Variants in HECTD4 observed in about 807,000 individuals in gnomAD.
The protein encoded by HECTD4 is HECT domain E3 ubiquitin protein ligase 4.
HECTD4 carries 114 observed loss-of-function variants against 471.5 expected under a neutral mutation model. The observed-to-expected ratio is 0.24, with a 90% CI of 0.21 to 0.28. The LOEUF (loss-of-function observed/expected upper bound fraction) is 0.28, where lower values mean the gene tolerates loss of function less well. Ranked by LOEUF, HECTD4 falls within the 10% of genes least tolerant of loss-of-function variation. HECTD4 has a pLI of 1.00. For synonymous variants in HECTD4, 2,012 were observed against 2,256.0 expected, an observed-to-expected ratio of 0.89 and a Z score of 3.07; for missense variants, 3,866 against 5,651.5, an observed-to-expected ratio of 0.68 and a Z score of 10.13.
At chr12:112,256,051 C>G (rs1204267266) in intron 21 of HECTD4, among the ~76,000 whole-genome samples, 1 of 152,124 alleles carries the variant, frequency 6.6e-6, no homozygotes, top group Non-Finnish European at 1.5e-5. Context: ...CATTTCCTTC[C>G]TCTCATATAT....
rs557287651 is a variant in HECTD4, at chr12:112,335,088, A to G, written c.178-15346T>C. ...CAGCAGCACAATTTGCAATTGCAAA[A>G]ATGTGCCACCCACCCAAATGCCCAT... is the stretch of plus-strand genomic sequence containing the variant. On this transcript the variant is annotated intron_variant, in intron 1 of 75. Coordinates refer to ENST00000682272, the MANE Select transcript of HECTD4 (RefSeq NM_001388303.1). Among the ~76,000 whole-genome samples, 195 of 152,180 alleles carry G rather than the reference A, an allele frequency of 1.3e-3. 3 individuals carry two copies. Among genetic ancestry groups the G allele is most frequent in the African/African-American group, 4.4e-3 (181 of 41,486 alleles).
At chr12:112,287,806 A>C (rs2034788222) in intron 7 of HECTD4, among the ~76,000 whole-genome samples, 1 of 152,158 alleles carries the variant, frequency 6.6e-6, no homozygotes, top group Non-Finnish European at 1.5e-5. Context: ...GAATGTGTCC[A>C]GAGTAGAAGT....
rs747216324 is a variant in HECTD4 at position 112,179,203 on chromosome 12, T to C, written c.11182A>G (p.Lys3728Glu). Reference sequence around the variant, plus strand: ...GTGAGCTGATCCTCCAGCACCTTTTTTGGCGGCCGGACATTGGTGAAGAAG... The same window carrying C: ...GTGAGCTGATCCTCCAGCACCTTTTCTGGCGGCCGGACATTGGTGAAGAAG... ...HLFFTNVRPP[K>E]KVLEDQLTQI... The change falls in exon 63 of 76, where the codon AAA becomes GAA. Residue 3728 changes from lysine to glutamate, a missense_variant. Lys to Glu is a moderately conservative substitution (Grantham distance 56, BLOSUM62 1). Transcript: ENST00000682272. This position sits in a 1 kb window ranked among gnomAD's most constrained non-coding sequence, Gnocchi z 4.3. The C allele has an allele frequency of 9.3e-6, 15 of 1,613,830 alleles. No homozygotes were observed. The highest frequency in any genetic ancestry group is 1.2e-5 in the Non-Finnish European group (14 of 1,179,832).
intron 1 of HECTD4, among the ~76,000 whole-genome samples, chr12:112,345,625 T>A (rs961699393): frequency 1.3e-4 from 20 of 152,300 alleles, no homozygotes; most frequent in African/African-American, 4.6e-4. Flanking sequence ...ATGGCTTTTG[T>A]AAGATGCTAT....
chr12:112,303,980 C>T (rs1057322713), intron 7 of HECTD4, among the ~76,000 whole-genome samples: 14 of 151,620 alleles, frequency 9.2e-5, no homozygotes, highest in Non-Finnish European at 1.8e-4. Context: ...ATCTGGCGTT[C>T]ATAAATCAAG....
chr12:112,209,959 T>C (rs1421289230), intron 50 of HECTD4, 56 bp downstream of exon 50: 1 of 1,404,482 alleles, frequency 7.1e-7, no homozygotes, highest in Non-Finnish European at 9.9e-7. Flanking sequence ...ATGGAATTCA[T>C]AACATTCATG....
At chr12:112,168,030 C>T (rs939524958) in intron 70 of HECTD4, 113 bp from the exon 71 acceptor site, 24 of 857,854 alleles carry the variant, frequency 2.8e-5, no homozygotes, top group Middle Eastern at 6.7e-4. Context: ...GCCTACCTGC[C>T]GCTGTGGCGG....
intron 47 of HECTD4, 88 bp downstream of exon 47, chr12:112,216,685 A>G: frequency 1.4e-6 from 2 of 1,448,610 alleles, no homozygotes; most frequent in Non-Finnish European, 1.9e-6. Flanking sequence ...ACTTGAAGAC[A>G]GAACTCTATT....
intron 66 of HECTD4, 137 bp downstream of exon 66, chr12:112,175,598 GA>G (rs574068179): frequency 8.6e-4 from 927 of 1,081,926 alleles, no homozygotes; most frequent in Non-Finnish European, 1.2e-3. Flanking sequence ...TAGCACTTAG[GA>G]AAAAACTCAG....
Position 112,162,316 on chromosome 12 carries a change from C to T in HECTD4, c.*71G>A, listed in dbSNP as rs984656009. 1.1e-5 allele frequency: 17 copies of T among 1,593,496 alleles called. No homozygotes were observed. The highest frequency in any genetic ancestry group is 1.4e-5 in the Non-Finnish European group (16 of 1,163,948). On this transcript the variant is annotated 3_prime_UTR_variant, in exon 76 of 76. Transcript: ENST00000682272. The surrounding 1 kb of genome is among the most constrained non-coding windows in gnomAD (Gnocchi z 5.2). ...TCACGCAGGGCCCTGGAGGGACGGGCCGCAGTGGTGGCTTCCCAAGCCAGC... is the reference window on the plus strand; with the variant it reads ...TCACGCAGGGCCCTGGAGGGACGGGTCGCAGTGGTGGCTTCCCAAGCCAGC...
At chr12:112,263,998 G>A in intron 17 of HECTD4, 86 bp downstream of exon 17, 1 of 1,285,428 alleles carries the variant, frequency 7.8e-7, no homozygotes, top group South Asian at 1.9e-5. Flanking sequence ...GGTGAATTCT[G>A]ACATCATAAA....
intron 59 of HECTD4, among the ~76,000 whole-genome samples, chr12:112,192,086 G>T (rs919446237): frequency 1.3e-5 from 2 of 152,178 alleles, no homozygotes; most frequent in Non-Finnish European, 2.9e-5. Flanking sequence ...ACTCTAAAAC[G>T]ATGGAGGCTT....
chr12:112,200,585 G>A, intron 55 of HECTD4, 53 bp downstream of exon 55: 2 of 1,564,568 alleles, frequency 1.3e-6, no homozygotes, highest in Non-Finnish European at 1.7e-6. Flanking sequence ...ACATGTGGTA[G>A]AGCGAAGTTG....
In HECTD4 at chr12:112,239,797, A is replaced by G; in HGVS notation, c.5105+84T>C. 1 of 1,366,936 alleles carries G rather than the reference A, an allele frequency of 7.3e-7. No homozygotes were observed. The allele number at this position is 1,366,936 out of a possible 1,614,324, so 84.7% of individuals were successfully genotyped here. A position where few individuals can be genotyped will look rare whatever the true frequency, so the allele number is the denominator to read the frequency against. Reference sequence around the variant, plus strand: ...TCTGGATAATGAAAGCAAAAAATCCAATTTTTAAAATTAAAAATACTTTCA... The same window carrying G: ...TCTGGATAATGAAAGCAAAAAATCCGATTTTTAAAATTAAAAATACTTTCA... On this transcript the variant is annotated intron_variant, in intron 33 of 75. Coordinates refer to ENST00000682272, the MANE Select transcript of HECTD4 (RefSeq NM_001388303.1). This position sits in a 1 kb window ranked among gnomAD's most constrained non-coding sequence, Gnocchi z 4.9.
intron 6 of HECTD4, among the ~76,000 whole-genome samples, chr12:112,307,002 C>T (rs1179818398): frequency 6.6e-6 from 1 of 152,094 alleles, no homozygotes; most frequent in African/African-American, 2.4e-5. Flanking sequence ...CTAATTTTTA[C>T]TGCCAAAGAC....
chr12:112,169,564 A>G lies in HECTD4; in HGVS notation c.12147T>C (p.Ser4049=). Residue 4049 remains serine, a synonymous_variant, in exon 70 of 76, where the codon AGT becomes AGC. Coordinates refer to ENST00000682272, the MANE Select transcript of HECTD4 (RefSeq NM_001388303.1). Reference sequence around the variant, plus strand: ...TGAAGGCATATGTGGGGTCACCGCCACTGGCCAGCTTGACGCAGAGCTGAG... The same window carrying G: ...TGAAGGCATATGTGGGGTCACCGCCGCTGGCCAGCTTGACGCAGAGCTGAG... The part of the protein sequence containing the change: ...PSSQLCVKLA[S]GGDPTYAFNI... 1 of 1,613,618 alleles carries G rather than the reference A, an allele frequency of 6.2e-7. No individual in the cohort carries two copies. The highest frequency in any genetic ancestry group is 8.5e-7 in the Non-Finnish European group (1 of 1,179,874).
chr12:112,208,138 G>T, intron 51 of HECTD4, 138 bp from the exon 52 acceptor site: 2 of 991,284 alleles, frequency 2.0e-6, no homozygotes, highest in Non-Finnish European at 2.9e-6. Context: ...ATAGACCCCT[G>T]TACTAGATAC....
intron 11 of HECTD4, among the ~76,000 whole-genome samples, chr12:112,273,357 T>C (rs2034457448): frequency 6.6e-6 from 1 of 152,090 alleles, no homozygotes; most frequent in African/African-American, 2.4e-5. Flanking sequence ...CCATGCCAAA[T>C]ACAAATAATC....
intron 1 of HECTD4, among the ~76,000 whole-genome samples, chr12:112,350,489 G>C (rs2036231525): frequency 1.3e-5 from 2 of 152,280 alleles, no homozygotes; most frequent in South Asian, 4.1e-4. Flanking sequence ...CTTCTGAGAG[G>C]TTTAAAGTAC....
Sources: gnomAD v4.1 joint callset for allele counts (sites outside exome capture counted in the v4.1 genomes callset) on GRCh38, gnomAD v4.1.1 for gene constraint, Gnocchi (gnomAD v3.1) non-coding constraint, MANE v1.5 for transcripts, NCBI Gene and HGNC (gene_info 2026-07-23, HGNC 2026-07-21) for gene names.